The following RNGTT variants were observed in gnomAD, a reference collection of about 807,000 sequenced individuals.
RNGTT encodes RNA guanylyltransferase and 5'-phosphatase.
RNGTT carries 33 observed loss-of-function variants against 79.3 expected under a neutral mutation model. The observed-to-expected ratio is 0.42, with a 90% confidence interval of 0.32 to 0.56. The LOEUF is 0.56. RNGTT is among the 20% of genes least tolerant of loss of function. The pLI, the probability that RNGTT is intolerant of heterozygous loss-of-function variation, is 0.17. For missense variants in RNGTT, 497 were observed against 739.1 expected (o/e 0.67, Z 3.80); for synonymous variants, 222 against 235.9 (o/e 0.94, Z 0.54).
intron 13 of RNGTT, among the ~76,000 whole-genome samples, chr6:88,738,667 T>A (rs1040073902): frequency 6.6e-6 from 1 of 151,918 alleles, no homozygotes; most frequent in Non-Finnish European, 1.5e-5. Context: ...AAATAAATAA[T>A]AACATACCAA....
intron 14 of RNGTT, among the ~76,000 whole-genome samples, chr6:88,665,310 G>C (rs1024117313): frequency 6.6e-6 from 1 of 152,150 alleles, no homozygotes; most frequent in African/African-American, 2.4e-5. Flanking sequence ...GGCCCAGCCA[G>C]TCAGGCAAAA....
intron 6 of RNGTT, among the ~76,000 whole-genome samples, chr6:88,896,800 A>G (rs985157512): frequency 2.0e-5 from 3 of 152,218 alleles, no homozygotes; most frequent in African/African-American, 4.8e-5. Context: ...CATTCATCAA[A>G]AAAAGTTGGT....
intron 15 of RNGTT, 142 bp downstream of exon 15, chr6:88,614,130 T>C (rs1772132556): frequency 1.3e-6 from 1 of 757,624 alleles, no homozygotes; most frequent in Non-Finnish European, 2.1e-6. Context: ...AATACAGACT[T>C]GACGTATCTT....
intron 13 of RNGTT, among the ~76,000 whole-genome samples, chr6:88,682,621 C>T (rs533816669): frequency 4.6e-5 from 7 of 152,098 alleles, no homozygotes; most frequent in South Asian, 2.1e-4. Context: ...TTCCGGGGTA[C>T]GTGTGCAGAA....
chr6:88,833,556 T>C (rs1030386459), intron 11 of RNGTT, among the ~76,000 whole-genome samples: 1 of 152,238 alleles, frequency 6.6e-6, no homozygotes. Context: ...TCTGCACATG[T>C]ATCCCAGAAC....
intron 13 of RNGTT, among the ~76,000 whole-genome samples, chr6:88,705,756 AT>A (rs543682438): frequency 1.4e-4 from 21 of 152,268 alleles, no homozygotes; most frequent in Admixed American, 1.0e-3. Flanking sequence ...GTCAGCACAG[AT>A]AAAGTGAATT....
At chr6:88,675,895 G>T (rs1256876902) in intron 14 of RNGTT, among the ~76,000 whole-genome samples, 1 of 152,076 alleles carries the variant, frequency 6.6e-6, no homozygotes, top group Non-Finnish European at 1.5e-5. Flanking sequence ...TGAAAGCAAC[G>T]AAATATTGCT....
At chr6:88,890,361 T>C (rs1019850950) in intron 8 of RNGTT, 134 bp downstream of exon 8, 1 of 616,376 alleles carries the variant, frequency 1.6e-6, no homozygotes, top group Non-Finnish European at 2.8e-6. Flanking sequence ...CAAAAATATA[T>C]AATTTTTGAA....
At chr6:88,657,613 T>C (rs2756387) in intron 14 of RNGTT, among the ~76,000 whole-genome samples, 82,705 of 151,910 alleles carry the variant, frequency 0.54, 23,957 homozygotes, top group African/African-American at 0.75. Flanking sequence ...TGGGAAGGGG[T>C]GAGGCCTGAG....
chr6:88,662,665 TG>T (rs1255253321), intron 14 of RNGTT, among the ~76,000 whole-genome samples: 1 of 152,228 alleles, frequency 6.6e-6, no homozygotes, highest in African/African-American at 2.4e-5. Context: ...GGCTTAGGCC[TG>T]CCCTGTGGAG....
intron 9 of RNGTT, among the ~76,000 whole-genome samples, chr6:88,852,543 T>C (rs1406638868): frequency 6.6e-6 from 1 of 152,076 alleles, no homozygotes; most frequent in African/African-American, 2.4e-5. Context: ...TATACACATA[T>C]AGATACATAT....
chr6:88,893,639 C>A (rs1270609886), intron 6 of RNGTT, among the ~76,000 whole-genome samples: 1 of 152,106 alleles, frequency 6.6e-6, no homozygotes, highest in Non-Finnish European at 1.5e-5. Flanking sequence ...AGCATCAGTA[C>A]AGATCTAACA....
chr6:88,876,317 C>T (rs1782516035), intron 8 of RNGTT, among the ~76,000 whole-genome samples: 1 of 152,096 alleles, frequency 6.6e-6, no homozygotes, highest in Non-Finnish European at 1.5e-5. Flanking sequence ...TCACTTTAGC[C>T]CAGGAGTTTG....
At chr6:88,828,612 T>C (rs1319309937) in intron 11 of RNGTT, among the ~76,000 whole-genome samples, 1 of 152,106 alleles carries the variant, frequency 6.6e-6, no homozygotes, top group Non-Finnish European at 1.5e-5. Flanking sequence ...AAGAAGCATG[T>C]TCTAACCCAA....
chr6:88,662,678 A>T (rs1300218270), intron 14 of RNGTT, among the ~76,000 whole-genome samples: 2 of 152,236 alleles, frequency 1.3e-5, no homozygotes, highest in East Asian at 1.9e-4. Flanking sequence ...CCTGTGGAGC[A>T]TCCCTGGGGA....
intron 13 of RNGTT, among the ~76,000 whole-genome samples, chr6:88,768,278 T>C (rs1562242496): frequency 6.6e-6 from 1 of 151,960 alleles, no homozygotes; most frequent in East Asian, 1.9e-4. Flanking sequence ...CCCGGCTAAT[T>C]TTTGTTTGTT....
chr6:88,922,184 C>T (rs1239806967), intron 4 of RNGTT, among the ~76,000 whole-genome samples: 1 of 152,000 alleles, frequency 6.6e-6, no homozygotes, highest in Admixed American at 6.5e-5. Context: ...GGACTACAGG[C>T]ATGTGCCACT....
rs139574479 is a variant in RNGTT, at chr6:88,904,862, G to A, written c.537C>T (p.Asp179=). Residue 179 remains aspartate, a synonymous_variant, in exon 6 of 16, where the codon GAC becomes GAT. Coordinates refer to ENST00000369485, the MANE Select transcript of RNGTT (RefSeq NM_003800.5). ...GAGGTGGGGGTGGTGCTTCCTCTAT[G>A]TCACCATACCGACGAAAAAGTTCCT... ...YLKELFRRYG[D]IEEAPPPPLL... 17 of 1,613,964 alleles carry A rather than the reference G, an allele frequency of 1.1e-5. No homozygotes were observed. Among genetic ancestry groups the A allele is most frequent in the Non-Finnish European group, 1.2e-5 (14 of 1,180,004 alleles).
chr6:88,617,007 T>C (rs537369431), intron 14 of RNGTT, among the ~76,000 whole-genome samples: 1 of 152,368 alleles, frequency 6.6e-6, no homozygotes, highest in African/African-American at 2.4e-5. Flanking sequence ...GCACAGTGGC[T>C]CACGCCTGTA....
Sources: gnomAD v4.1 joint callset for allele counts (sites outside exome capture counted in the v4.1 genomes callset) on GRCh38, gnomAD v4.1.1 for gene constraint, MANE v1.5 for transcripts, NCBI Gene and HGNC (gene_info 2026-07-23, HGNC 2026-07-21) for gene names.